Variants in GRID2 observed in about 807,000 individuals in gnomAD.
GRID2 encodes glutamate ionotropic receptor delta type subunit 2, also known as glutamate receptor ionotropic, delta-2.
GRID2 carries 33 observed loss-of-function variants against 114.8 expected under a neutral mutation model. That is an observed-to-expected ratio of 0.29 (90% CI 0.22 to 0.38). GRID2 has a LOEUF of 0.38. Among genes scored for constraint, GRID2 ranks in the 10% least tolerant of loss-of-function variants. The pLI is 1.00. For missense variants in GRID2, 1,184 were observed against 1,257.7 expected (o/e 0.94, Z 0.89); for synonymous variants, 505 against 449.9 (o/e 1.12, Z -1.55).
At chr4:93,118,811 T>G (rs1339274402) in intron 4 of GRID2, among the ~76,000 whole-genome samples, 2 of 152,138 alleles carry the variant, frequency 1.3e-5, no homozygotes, top group Non-Finnish European at 2.9e-5. Context: ...GTTCAGCAAG[T>G]GCCTTAAACA....
intron 13 of GRID2, among the ~76,000 whole-genome samples, chr4:93,569,623 A>G (rs13142740): frequency 0.16 from 23,805 of 152,176 alleles, 2,488 homozygotes; most frequent in Middle Eastern, 0.3. Context: ...TAAACTCCAG[A>G]CATCTTACTA....
chr4:93,567,351 G>A (rs1020094080), intron 13 of GRID2, among the ~76,000 whole-genome samples: 1 of 152,104 alleles, frequency 6.6e-6, no homozygotes. Context: ...ATTTGAGCTT[G>A]TGCTATATTA....
chr4:93,373,527 A>G (rs2149295959), intron 8 of GRID2, among the ~76,000 whole-genome samples: 1 of 152,308 alleles, frequency 6.6e-6, no homozygotes, highest in South Asian at 2.1e-4. Flanking sequence ...GACAAGAATC[A>G]TATTTTATAT....
intron 11 of GRID2, among the ~76,000 whole-genome samples, chr4:93,485,590 A>G (rs1212271614): frequency 2.0e-5 from 3 of 151,716 alleles, no homozygotes; most frequent in Admixed American, 6.6e-5. Flanking sequence ...ATTATTTTTC[A>G]TACATATATC....
chr4:93,529,166 G>A (rs1731211350), intron 13 of GRID2, among the ~76,000 whole-genome samples: 1 of 152,138 alleles, frequency 6.6e-6, no homozygotes, highest in South Asian at 2.1e-4. Context: ...ATTGCCTAGT[G>A]AGGCTGTCCA....
chr4:93,635,204 G>GTA (rs1191536763), intron 14 of GRID2, among the ~76,000 whole-genome samples: 2 of 150,608 alleles, frequency 1.3e-5, no homozygotes, highest in Non-Finnish European at 3.0e-5. Flanking sequence ...TTTTATGTGT[G>GTA]TATATATATA....
intron 14 of GRID2, among the ~76,000 whole-genome samples, chr4:93,712,967 C>G (rs1021356124): frequency 6.6e-6 from 1 of 152,042 alleles, no homozygotes; most frequent in Non-Finnish European, 1.5e-5. Context: ...TCTGTGACAT[C>G]GCATCCTACC....
intron 2 of GRID2, among the ~76,000 whole-genome samples, chr4:92,916,946 C>G (rs570209358): frequency 6.6e-6 from 1 of 152,292 alleles, no homozygotes; most frequent in East Asian, 1.9e-4. Flanking sequence ...ACACTGACTT[C>G]CACAATGGTT....
intron 4 of GRID2, among the ~76,000 whole-genome samples, chr4:93,198,418 G>A (rs1225891013): frequency 6.6e-6 from 1 of 152,202 alleles, no homozygotes; most frequent in South Asian, 2.1e-4. Context: ...AGCTATGTGT[G>A]TGTCTCTAAT....
intron 10 of GRID2, among the ~76,000 whole-genome samples, chr4:93,453,647 T>A (rs1003231334): frequency 6.6e-6 from 1 of 152,076 alleles, no homozygotes; most frequent in African/African-American, 2.4e-5. Context: ...TCAGTAACCA[T>A]TCCAATTTAT....
chr4:93,729,562 T>C (rs1362479193), intron 14 of GRID2, among the ~76,000 whole-genome samples: 1 of 152,098 alleles, frequency 6.6e-6, no homozygotes, highest in Non-Finnish European at 1.5e-5. Flanking sequence ...CTTTTTTTTT[T>C]TGAGATGGAG....
At chr4:92,398,470 T>C (rs538949476) in intron 1 of GRID2, among the ~76,000 whole-genome samples, 12 of 151,612 alleles carry the variant, frequency 7.9e-5, no homozygotes, top group African/African-American at 2.2e-4. Flanking sequence ...TGGGCTAGCT[T>C]TTGAATTTTT....
intron 1 of GRID2, among the ~76,000 whole-genome samples, chr4:92,324,933 A>G (rs759995071): frequency 6.6e-6 from 1 of 151,952 alleles, no homozygotes; most frequent in Non-Finnish European, 1.5e-5. Context: ...AAATTATCAC[A>G]CTATGTAAGA....
chr4:93,689,885 A>T (rs1251425681), intron 14 of GRID2, among the ~76,000 whole-genome samples: 2 of 152,090 alleles, frequency 1.3e-5, no homozygotes, highest in Admixed American at 6.6e-5. Context: ...AAATCTAACT[A>T]AACATTACAT....
intron 13 of GRID2, among the ~76,000 whole-genome samples, chr4:93,611,355 A>G (rs1183133408): frequency 5.2e-5 from 5 of 96,880 alleles, no homozygotes; most frequent in Non-Finnish European, 8.3e-5. Context: ...GCCTTCTGCT[A>G]GCTTTTGAAT....
At chr4:93,688,482 G>GTAAA (rs1726270158) in intron 14 of GRID2, among the ~76,000 whole-genome samples, 1 of 151,862 alleles carries the variant, frequency 6.6e-6, no homozygotes, top group African/African-American at 2.4e-5. Flanking sequence ...TTTTCAAAAG[G>GTAAA]TAAAACCATT....
chr4:93,056,604 A>G (rs563017938), intron 2 of GRID2, among the ~76,000 whole-genome samples: 93 of 152,006 alleles, frequency 6.1e-4, no homozygotes, highest in Middle Eastern at 3.4e-3. Context: ...ATTTCTAACT[A>G]CCCTTTTTCA....
intron 1 of GRID2, among the ~76,000 whole-genome samples, chr4:92,409,348 G>A (rs1731184540): frequency 6.6e-6 from 1 of 151,990 alleles, no homozygotes; most frequent in Non-Finnish European, 1.5e-5. Flanking sequence ...TACTCTATAA[G>A]GTGTCCAGTT....
At chr4:93,332,297 T>TGA (rs1255976950) in intron 8 of GRID2, among the ~76,000 whole-genome samples, 34 of 133,054 alleles carry the variant, frequency 2.6e-4, no homozygotes, top group African/African-American at 5.7e-4. Context: ...TGTGTGTGTG[T>TGA]GTGAGAGAGA....
Sources: gnomAD v4.1 joint callset for allele counts (sites outside exome capture counted in the v4.1 genomes callset) on GRCh38, gnomAD v4.1.1 for gene constraint, MANE v1.5 for transcripts, NCBI Gene and HGNC (gene_info 2026-07-23, HGNC 2026-07-21) for gene names.